Variants in MEP1B observed in about 807,000 individuals in gnomAD.
The protein encoded by MEP1B is N-benzoyl-L-tyrosyl-P-amino-benzoic acid hydrolase subunit beta.
A neutral mutation model predicts 84.6 loss-of-function variants in MEP1B; 80 were observed. The ratio of observed to expected loss-of-function variants is 0.95; its 90% CI spans 0.79 to 1.14. The LOEUF (loss-of-function observed/expected upper bound fraction) is 1.14. Among genes scored for constraint, MEP1B ranks in the 50% most tolerant of loss-of-function variants. The pLI is 0.00. For synonymous variants in MEP1B, 273 were observed against 288.1 expected, an observed-to-expected ratio of 0.95 and a Z score of 0.53; for missense variants, 766 against 855.1, an observed-to-expected ratio of 0.90 and a Z score of 1.30.
intron 10 of MEP1B, among the ~76,000 whole-genome samples, chr18:32,212,449 A>G (rs1269472059): frequency 6.6e-6 from 1 of 152,196 alleles, no homozygotes; most frequent in East Asian, 1.9e-4. Flanking sequence ...AGTATGTGAT[A>G]TAAGAAAATC....
At chr18:32,199,896 C>T (rs781111530) in intron 5 of MEP1B, among the ~76,000 whole-genome samples, 10 of 152,172 alleles carry the variant, frequency 6.6e-5, no homozygotes, top group Non-Finnish European at 1.3e-4. Context: ...CCCACCTCGG[C>T]CTCCCGAAGT....
chr18:32,190,864 A>T (rs1257700000), intron 1 of MEP1B, among the ~76,000 whole-genome samples: 7 of 152,132 alleles, frequency 4.6e-5, no homozygotes, highest in Non-Finnish European at 1.5e-5. Context: ...GCACTTGTTA[A>T]TGTCAAAAAT....
At chr18:32,208,064 T>C in intron 8 of MEP1B, 55 bp from the exon 9 acceptor site, 4 of 1,577,544 alleles carry the variant, frequency 2.5e-6, no homozygotes, top group Non-Finnish European at 3.5e-6. Flanking sequence ...TCAGTTTTTG[T>C]TACTTAGATT....
At chr18:32,192,276 T>C (rs1376225726) in intron 2 of MEP1B, among the ~76,000 whole-genome samples, 3 of 152,140 alleles carry the variant, frequency 2.0e-5, no homozygotes, top group African/African-American at 7.2e-5. Flanking sequence ...TAGCAAGTGA[T>C]ATACATGTAT....
At position 32,215,772 on chromosome 18, in the gene MEP1B, C is replaced by G. The variant is rs1159340082; in HGVS notation, c.1759+511C>G. Among the ~76,000 whole-genome samples, 3 of 152,140 alleles carry G rather than the reference C, an allele frequency of 2.0e-5. 1 individual carries two copies. The South Asian group carries it at 6.2e-4, about 32-fold the overall frequency. The stretch of plus-strand genomic sequence containing the variant: ...CCGGGAGGCGGAGCTTGCAGTGAGC[C>G]AAGTTCGTGCCACTGCACTCCAGCC... On this transcript the variant is annotated intron_variant, in intron 12 of 14. Transcript: ENST00000269202.
At chr18:32,217,993 C>G (rs749372950) in intron 14 of MEP1B, 28 bp downstream of exon 14, 3 of 1,607,036 alleles carry the variant, frequency 1.9e-6, no homozygotes, top group Non-Finnish European at 1.7e-6. Flanking sequence ...TTTGATTATT[C>G]ATAACCTATT....
At chr18:32,199,294 T>A (rs2040885350) in intron 5 of MEP1B, among the ~76,000 whole-genome samples, 1 of 152,210 alleles carries the variant, frequency 6.6e-6, no homozygotes, top group Non-Finnish European at 1.5e-5. Context: ...AGGTGCTCCA[T>A]AGATAACTGG....
Position 32,203,406 on chromosome 18 carries a change from C to T in MEP1B, c.368+396C>T, listed in dbSNP as rs141913946. ...TTAAGAAGGCGACAGTATTATTTGT[C>T]TTGAGCTCAGCAATTCTGAGTGGTT... On this transcript the variant is annotated intron_variant, in intron 6 of 14. Coordinates refer to ENST00000269202, the MANE Select transcript of MEP1B (RefSeq NM_005925.3). Among the ~76,000 whole-genome samples the T allele has an allele frequency of 4.4e-4, 67 of 152,328 alleles. No homozygotes were observed. The East Asian group carries it at 0.013, about 28-fold the overall frequency.
At chr18:32,215,332 T>C in intron 12 of MEP1B, 71 bp downstream of exon 12, 1 of 997,040 alleles carries the variant, frequency 1.0e-6, no homozygotes, top group South Asian at 2.0e-5. Context: ...TTTCTGTTTT[T>C]CTTTCTGCAT....
In MEP1B at chr18:32,190,064, C is replaced by A. The variant is rs1485828411; in HGVS notation, c.-7C>A. 6.2e-7 allele frequency: 1 copy of A among 1,612,106 alleles called. No individual in the cohort carries two copies. The highest frequency in any genetic ancestry group is 8.5e-7 in the Non-Finnish European group (1 of 1,178,770). On this transcript the variant is annotated 5_prime_UTR_variant, in exon 1 of 15. Coordinates refer to ENST00000269202, the MANE Select transcript of MEP1B (RefSeq NM_005925.3). ...ATAGTTAGCTACTTTCAACTGGAAG[C>A]TACAACATGGATTTATGGAATCTGT...
Position 32,192,488 on chromosome 18 carries a change from T to TAATC in MEP1B, c.83-138_83-135dup, listed in dbSNP as rs553048003. Reference sequence around the variant, plus strand: ...CCCAACCTGGCTCATAGGAGATTCTTAATCAATCAATCAATCAATCAATGT... The same window carrying TAATC: ...CCCAACCTGGCTCATAGGAGATTCTTAATCAATCAATCAATCAATCAATCAATGT... On this transcript the variant is annotated intron_variant, in intron 2 of 14. Transcript: ENST00000269202. Among the ~76,000 whole-genome samples, 523 of 152,166 alleles carry TAATC rather than the reference T, an allele frequency of 3.4e-3. 6 individuals are homozygous for TAATC. Among genetic ancestry groups the TAATC allele is most frequent in the African/African-American group, 8.6e-3 (358 of 41,530 alleles).
At chr18:32,202,767 A>G in intron 5 of MEP1B, 126 bp from the exon 6 acceptor site, 1 of 615,772 alleles carries the variant, frequency 1.6e-6, no homozygotes. Context: ...GTAAAAATAA[A>G]AGACTCAACA....
At chr18:32,207,104 T>C (rs1374805808) in intron 7 of MEP1B, 148 bp from the exon 8 acceptor site, 10 of 608,174 alleles carry the variant, frequency 1.6e-5, no homozygotes, top group South Asian at 4.0e-5. Flanking sequence ...GAATATTATA[T>C]TGTAAGATGG....
At position 32,210,608 on chromosome 18, in the gene MEP1B, T is replaced by C; in HGVS notation, c.1027T>C (p.Phe343Leu). 1.9e-6 allele frequency: 3 copies of C among 1,613,982 alleles called. No individual in the cohort carries two copies. Among genetic ancestry groups the C allele is most frequent in the Non-Finnish European group, 2.5e-6 (3 of 1,179,874 alleles). The stretch of plus-strand genomic sequence containing the variant: ...TAAAAGAGGATTTCAGTGCCTGCAA[T>C]TTTACTTATATAACAGTGGCAGTGA... ...YPKRGFQCLQFYLYNSGSESD... is the reference protein window; with the variant it reads ...YPKRGFQCLQLYLYNSGSESD... Residue 343 changes from phenylalanine to leucine, a missense_variant, in exon 10 of 15, where the codon TTT becomes CTT. Phe to Leu is a conservative substitution (Grantham distance 22). Transcript: ENST00000269202.
rs759003474 is a variant in MEP1B at position 32,217,834 on chromosome 18, G to A, written c.1960G>A (p.Val654Ile). The A allele has an allele frequency of 1.9e-6, 3 of 1,613,984 alleles. No individual in the cohort carries two copies. Among genetic ancestry groups the A allele is most frequent in the African/African-American group, 1.3e-5 (1 of 75,066 alleles). Residue 654 changes from valine (V) to isoleucine (I), a missense_variant, in exon 14 of 15, where the codon GTC becomes ATC. By Grantham distance (29) the Val-to-Ile change is conservative. Transcript: ENST00000269202. ...EKRGSTRDTI[V>I]IAVSSTVAVF... is the part of the protein sequence containing the mutation. ...GAGAGGCTCCACCCGAGACACCATA[G>A]TCATTGCTGTTTCATCTACTGTTGC... is the stretch of plus-strand genomic sequence containing the variant.
rs756203513 is a variant in MEP1B, at chr18:32,215,182, T to G, written c.1680T>G (p.Ser560Arg). ...GAAGAGGTGGGGGCTATGGAACCAG[T>G]GCCTTTATAACCCACGAAAGGCTGA... ...QFRRGGGYGT[S>R]AFITHERLKS... The change falls in exon 12 of 15, where the codon AGT (serine) becomes AGG (arginine). Residue 560 changes from serine to arginine, a missense_variant. Ser to Arg is a moderately radical substitution (Grantham distance 110, BLOSUM62 -1). Transcript: ENST00000269202. 2 of 1,612,732 alleles carry G rather than the reference T, an allele frequency of 1.2e-6. No homozygotes were observed. The highest frequency in any genetic ancestry group is 1.1e-5 in the South Asian group (1 of 90,888).
intron 4 of MEP1B, among the ~76,000 whole-genome samples, chr18:32,194,118 A>T (rs542822221): frequency 5.3e-5 from 8 of 152,076 alleles, no homozygotes; most frequent in Admixed American, 4.6e-4. Context: ...CTTGAGCGCC[A>T]CCTTTGCTTC....
rs778261688 is a variant in MEP1B, at chr18:32,196,932, T to A, written c.250+1447T>A. ...CACGTGCACTGCTCCCTACACTTGG[T>A]TAAACAGGTGCAGGGCCTGATTGAT... On this transcript the variant is annotated intron_variant, in intron 5 of 14. Coordinates refer to ENST00000269202, the MANE Select transcript of MEP1B (RefSeq NM_005925.3). This position sits in a 1 kb window ranked among gnomAD's most constrained non-coding sequence, Gnocchi z 4.4. 8 of 356,982 alleles carry A rather than the reference T, an allele frequency of 2.2e-5. No individual in the cohort carries two copies. The highest frequency in any genetic ancestry group is 3.7e-5 in the Non-Finnish European group (7 of 187,434). The allele number at this position is 356,982 out of a possible 1,614,324, so 22.1% of individuals were successfully genotyped here. A position where few individuals can be genotyped will look rare whatever the true frequency, so the allele number is the denominator to read the frequency against.
At chr18:32,206,247 T>C (rs1057294848) in intron 7 of MEP1B, among the ~76,000 whole-genome samples, 1 of 152,200 alleles carries the variant, frequency 6.6e-6, no homozygotes, top group African/African-American at 2.4e-5. Flanking sequence ...CCATGAATTA[T>C]GGTTAGTCAA....
Sources: gnomAD v4.1 joint callset for allele counts (sites outside exome capture counted in the v4.1 genomes callset) on GRCh38, gnomAD v4.1.1 for gene constraint, Gnocchi (gnomAD v3.1) non-coding constraint, MANE v1.5 for transcripts, NCBI Gene and HGNC (gene_info 2026-07-23, HGNC 2026-07-21) for gene names.